The following GABRB2 variants were observed in gnomAD, a reference collection of about 807,000 sequenced individuals.
GABRB2 encodes gamma-aminobutyric acid receptor subunit beta-2.
Under a neutral mutation model 54.7 loss-of-function variants are expected in GABRB2, and 16 were observed. The ratio of observed to expected loss-of-function variants is 0.29; its 90% CI spans 0.20 to 0.44. The LOEUF is 0.44. Ranked by LOEUF, GABRB2 falls within the 20% of genes least tolerant of loss-of-function variation. The probability of loss-of-function intolerance (pLI) is 1.00; values close to 1 mark genes in which losing one functional copy is unlikely to be tolerated. For synonymous variants in GABRB2, 244 were observed against 233.8 expected (o/e 1.04, Z -0.40); for missense variants, 355 against 644.0 (o/e 0.55, Z 4.86).
intron 3 of GABRB2, 130 bp from the exon 4 acceptor site, chr5:161,459,974 T>A: frequency 3.5e-6 from 2 of 574,916 alleles, no homozygotes; most frequent in Non-Finnish European, 5.9e-6. Context: ...AGACAGGGTC[T>A]CACTCTGTCA....
chr5:161,484,240 TAG>T (rs1758851015), intron 3 of GABRB2, among the ~76,000 whole-genome samples: 1 of 151,948 alleles, frequency 6.6e-6, no homozygotes, highest in Non-Finnish European at 1.5e-5. Context: ...CAAAAATATT[TAG>T]AGAGAGAGAT....
chr5:161,372,881 A>G (rs1755172720), intron 5 of GABRB2, among the ~76,000 whole-genome samples: 1 of 152,192 alleles, frequency 6.6e-6, no homozygotes, highest in Admixed American at 6.5e-5. Context: ...GCTATGCTGC[A>G]TGCACTAAGC....
intron 3 of GABRB2, among the ~76,000 whole-genome samples, chr5:161,516,880 C>G (rs533237093): frequency 1.6e-4 from 24 of 152,254 alleles, no homozygotes; most frequent in African/African-American, 5.8e-4. Flanking sequence ...AACTGAAAAA[C>G]ATTGGTACCC....
chr5:161,508,792 C>A (rs1406974963), intron 3 of GABRB2, among the ~76,000 whole-genome samples: 1 of 151,934 alleles, frequency 6.6e-6, no homozygotes, highest in African/African-American at 2.4e-5. Context: ...CAAATTATTT[C>A]TCCTCTGTAT....
At chr5:161,372,278 G>A (rs1038679561) in intron 5 of GABRB2, among the ~76,000 whole-genome samples, 3 of 152,152 alleles carry the variant, frequency 2.0e-5, no homozygotes, top group African/African-American at 7.2e-5. Flanking sequence ...CTGCATCCCT[G>A]AAAAGGATGC....
chr5:161,474,131 G>C (rs938881790), intron 3 of GABRB2, among the ~76,000 whole-genome samples: 5 of 151,970 alleles, frequency 3.3e-5, no homozygotes, highest in Non-Finnish European at 7.4e-5. Flanking sequence ...GAAGAGACCA[G>C]CTCTAAGCAT....
intron 4 of GABRB2, among the ~76,000 whole-genome samples, chr5:161,419,358 TG>T (rs1756782007): frequency 6.6e-6 from 1 of 152,104 alleles, no homozygotes; most frequent in Non-Finnish European, 1.5e-5. Flanking sequence ...ACACTGTTGG[TG>T]GGAATGAAAA....
chr5:161,460,539 C>G (rs1196210595), intron 3 of GABRB2, among the ~76,000 whole-genome samples: 4 of 152,100 alleles, frequency 2.6e-5, no homozygotes, highest in Non-Finnish European at 5.9e-5. Flanking sequence ...ACACGGGACT[C>G]TTTTAGGTGA....
intron 5 of GABRB2, among the ~76,000 whole-genome samples, chr5:161,348,611 A>G (rs1178592004): frequency 1.3e-5 from 2 of 152,062 alleles, no homozygotes; most frequent in Non-Finnish European, 2.9e-5. Context: ...CCACACTTTG[A>G]GAATCACAGT....
In GABRB2 at chr5:161,326,714, A is replaced by C. The variant is rs79159214; in HGVS notation, c.1078-233T>G. On this transcript the variant is annotated intron_variant, in intron 8 of 9. Transcript: ENST00000393959. ...ATTGAAAATATCTTAGTGGCTTTAC[A>C]TTAGAAAAGATTACACACAATGGAT... Among the ~76,000 whole-genome samples the C allele has an allele frequency of 0.028, 4,211 of 152,242 alleles. 225 individuals carry two copies. The highest frequency in any genetic ancestry group is 0.095 in the African/African-American group (3,960 of 41,516).
intron 3 of GABRB2, among the ~76,000 whole-genome samples, chr5:161,533,287 A>AT (rs1211217281): frequency 6.6e-6 from 1 of 152,134 alleles, no homozygotes; most frequent in Non-Finnish European, 1.5e-5. Context: ...TAAAATATAT[A>AT]TTTTTCAAAT....
chr5:161,355,830 GGTTTAT>G (rs1754606938), intron 5 of GABRB2, among the ~76,000 whole-genome samples: 1 of 151,794 alleles, frequency 6.6e-6, no homozygotes, highest in East Asian at 1.9e-4. Context: ...AGTGTTTGAA[GGTTTAT>G]TTAGTATCCA....
At chr5:161,502,808 G>A (rs1759491955) in intron 3 of GABRB2, among the ~76,000 whole-genome samples, 1 of 152,178 alleles carries the variant, frequency 6.6e-6, no homozygotes, top group South Asian at 2.1e-4. Flanking sequence ...CTACTGGGTA[G>A]GATACTGGAG....
At chr5:161,456,981 C>T (rs1016510464) in intron 4 of GABRB2, among the ~76,000 whole-genome samples, 3 of 152,160 alleles carry the variant, frequency 2.0e-5, no homozygotes, top group Non-Finnish European at 4.4e-5. Context: ...CTAACTTTAA[C>T]TGAATTCCTT....
intron 4 of GABRB2, among the ~76,000 whole-genome samples, chr5:161,414,731 A>T (rs1189988972): frequency 6.6e-6 from 1 of 151,398 alleles, no homozygotes; most frequent in East Asian, 1.9e-4. Flanking sequence ...AATAAAAAAT[A>T]TTAATTATTA....
At chr5:161,509,102 A>C (rs780421261) in intron 3 of GABRB2, among the ~76,000 whole-genome samples, 1 of 151,924 alleles carries the variant, frequency 6.6e-6, no homozygotes, top group Non-Finnish European at 1.5e-5. Context: ...TATTTCATTC[A>C]TTCTGAATTA....
At chr5:161,315,099 A>G (rs747561660) in intron 9 of GABRB2, among the ~76,000 whole-genome samples, 62 of 152,208 alleles carry the variant, frequency 4.1e-4, no homozygotes, top group Non-Finnish European at 7.9e-4. Flanking sequence ...GAGCATAAAA[A>G]TAGGCAAAAT....
intron 5 of GABRB2, among the ~76,000 whole-genome samples, chr5:161,370,266 A>C (rs1031747062): frequency 1.3e-5 from 2 of 152,216 alleles, no homozygotes; most frequent in African/African-American, 4.8e-5. Flanking sequence ...GAGTTAAAGC[A>C]AGTATCATTT....
intron 5 of GABRB2, among the ~76,000 whole-genome samples, chr5:161,368,116 G>GACACACACACAC (rs11467721): frequency 0.1 from 14,620 of 144,800 alleles, 883 homozygotes; most frequent in Middle Eastern, 0.16. Flanking sequence ...CTCCCTCTCT[G>GACACACACACAC]ACACACACAC....
Sources: gnomAD v4.1 joint callset for allele counts (sites outside exome capture counted in the v4.1 genomes callset) on GRCh38, gnomAD v4.1.1 for gene constraint, MANE v1.5 for transcripts, NCBI Gene and HGNC (gene_info 2026-07-23, HGNC 2026-07-21) for gene names.